The following PKNOX2 variants were observed in gnomAD, a reference collection of about 807,000 sequenced individuals.
PKNOX2 encodes the protein PBX/knotted 1 homeobox 2, also known as homeobox protein PKNOX2.
PKNOX2 carries 14 observed loss-of-function variants against 53.1 expected under a neutral mutation model. That is an observed-to-expected ratio of 0.26 (90% CI 0.17 to 0.41). The LOEUF is 0.41. Ranked by LOEUF, PKNOX2 falls within the 10% of genes least tolerant of loss-of-function variation. The pLI, the probability that PKNOX2 is intolerant of heterozygous loss-of-function variation, is 1.00. For synonymous variants in PKNOX2, 257 were observed against 242.8 expected, an observed-to-expected ratio of 1.06 and a Z score of -0.54; for missense variants, 496 against 602.8, an observed-to-expected ratio of 0.82 and a Z score of 1.85.
intron 2 of PKNOX2, among the ~76,000 whole-genome samples, chr11:125,301,371 G>C (rs11220014): frequency 0.23 from 34,758 of 151,576 alleles, 4,488 homozygotes; most frequent in East Asian, 0.39. Flanking sequence ...AGACTCTTGG[G>C]TAGAGACAGG....
At chr11:125,209,446 T>TG (rs1193688657) in intron 1 of PKNOX2, among the ~76,000 whole-genome samples, 1 of 151,784 alleles carries the variant, frequency 6.6e-6, no homozygotes, top group Non-Finnish European at 1.5e-5. Flanking sequence ...CACTATGGGA[T>TG]GGAGGGTCAG....
intron 10 of PKNOX2, among the ~76,000 whole-genome samples, chr11:125,421,863 C>T (rs907677851): frequency 6.6e-6 from 1 of 152,230 alleles, no homozygotes; most frequent in African/African-American, 2.4e-5. Context: ...CCGCTGTCTG[C>T]ACACTTACAC....
At chr11:125,252,416 G>T (rs1312533225) in intron 2 of PKNOX2, among the ~76,000 whole-genome samples, 2 of 152,196 alleles carry the variant, frequency 1.3e-5, no homozygotes, top group East Asian at 3.8e-4. Context: ...ATGTGGAATA[G>T]ATTGGAGGAA....
At chr11:125,178,630 GAAA>G (rs1565462394) in intron 1 of PKNOX2, among the ~76,000 whole-genome samples, 21 of 88,316 alleles carry the variant, frequency 2.4e-4, no homozygotes, top group African/African-American at 1.2e-3. Context: ...AAGAAAGAAA[GAAA>G]GAAAGAAAGA....
chr11:125,351,317 T>C lies in PKNOX2; in HGVS notation c.12T>C (p.His4=), dbSNP rs1265414865. 1.9e-6 allele frequency: 3 copies of C among 1,602,518 alleles called. No individual in the cohort carries two copies. The highest frequency in any genetic ancestry group is 1.7e-5 in the Admixed American group (1 of 59,584). ...TGTGAATCAATCCCATGATGCAACA[T>C]GCCTCCCCAGCCCCCGCTCTGACGA... MMQ[H]ASPAPALTMM... Residue 4 remains histidine, a synonymous_variant, in exon 4 of 13, where the codon CAT becomes CAC. Coordinates refer to ENST00000298282, the MANE Select transcript of PKNOX2 (RefSeq NM_001382323.2).
At chr11:125,250,060 T>C (rs1251287990) in intron 2 of PKNOX2, among the ~76,000 whole-genome samples, 1 of 114,206 alleles carries the variant, frequency 8.8e-6, no homozygotes, top group Non-Finnish European at 1.7e-5. Flanking sequence ...AGCAAAACTC[T>C]GTCTCAAAAA....
intron 2 of PKNOX2, among the ~76,000 whole-genome samples, chr11:125,323,215 T>C (rs1949628865): frequency 6.6e-6 from 1 of 152,104 alleles, no homozygotes; most frequent in African/African-American, 2.4e-5. Flanking sequence ...GGGCTCTGCT[T>C]TGAGCCCAGG....
intron 2 of PKNOX2, among the ~76,000 whole-genome samples, chr11:125,307,509 G>T (rs535204020): frequency 1.3e-5 from 2 of 152,258 alleles, no homozygotes; most frequent in African/African-American, 4.8e-5. Flanking sequence ...AGTGAGCCGA[G>T]ATTGCACCAT....
rs180914166 is a variant in PKNOX2 at position 125,266,016 on chromosome 11, A to G, written c.-130+30901A>G. Among the ~76,000 whole-genome samples the G allele has an allele frequency of 5.3e-5, 8 of 152,272 alleles. No individual in the cohort carries two copies. In the East Asian group the frequency reaches 1.5e-3, roughly 29 times the overall value. ...GGAGGAAACCTGGGCCCCCAGCTCCATAACTGGCCAGGTCTCTGCCCCGAG... is the reference window on the plus strand; with the variant it reads ...GGAGGAAACCTGGGCCCCCAGCTCCGTAACTGGCCAGGTCTCTGCCCCGAG... On this transcript the variant is annotated intron_variant, in intron 2 of 12. Coordinates refer to ENST00000298282, the MANE Select transcript of PKNOX2 (RefSeq NM_001382323.2).
chr11:125,385,852 C>G lies in PKNOX2; in HGVS notation c.399+130C>G, dbSNP rs113727937. 8 of 1,076,038 alleles carry G rather than the reference C, an allele frequency of 7.4e-6. No homozygotes were observed. The African/African-American group carries it at 1.2e-4, about 15-fold the overall frequency. The allele number at this position is 1,076,038 out of a possible 1,614,324, so 66.7% of individuals were successfully genotyped here. ...TTGAGTGCCCACCATGAGTCATGCACTAGATGCACCAGTCTTGCAGCCAAC... is the reference window on the plus strand; with the variant it reads ...TTGAGTGCCCACCATGAGTCATGCAGTAGATGCACCAGTCTTGCAGCCAAC... On this transcript the variant is annotated intron_variant, in intron 6 of 12. Coordinates refer to ENST00000298282, the MANE Select transcript of PKNOX2 (RefSeq NM_001382323.2).
chr11:125,383,787 G>C (rs1953416522), intron 5 of PKNOX2, among the ~76,000 whole-genome samples: 1 of 152,138 alleles, frequency 6.6e-6, no homozygotes, highest in Non-Finnish European at 1.5e-5. Flanking sequence ...GCCATATGGG[G>C]CAGTGGAGAT....
chr11:125,348,723 T>C (rs1591537332), intron 3 of PKNOX2, among the ~76,000 whole-genome samples: 1 of 152,178 alleles, frequency 6.6e-6, no homozygotes, highest in Non-Finnish European at 1.5e-5. Context: ...CACTGGACAG[T>C]GAACAAAAGA....
rs1253669072 is a variant in PKNOX2, at chr11:125,178,557, GGAAGGAAC to G, written c.-201+13789_-201+13796del. Among the ~76,000 whole-genome samples the G allele has an allele frequency of 3.7e-4, 41 of 111,454 alleles. 3 individuals carry two copies. The East Asian group carries it at 7.0e-3, about 19-fold the overall frequency. 73.1% of individuals were successfully genotyped at this position (111,454 alleles called of 152,430 possible). A position where few individuals can be genotyped will look rare whatever the true frequency, so the allele number is the denominator to read the frequency against. ...AAGAAAGGGAGAGAGAGAGAAGGAA[GGAAGGAAC>G]GAAGGAAGGAAGGAAGGAAGGAAGG... On this transcript the variant is annotated intron_variant, in intron 1 of 12. Coordinates refer to ENST00000298282, the MANE Select transcript of PKNOX2 (RefSeq NM_001382323.2).
At chr11:125,256,589 C>T (rs886338770) in intron 2 of PKNOX2, among the ~76,000 whole-genome samples, 9 of 152,212 alleles carry the variant, frequency 5.9e-5, no homozygotes, top group Non-Finnish European at 1.0e-4. Context: ...CAGGTACACA[C>T]TTATCTCTGG....
At position 125,422,391 on chromosome 11, in the gene PKNOX2, G is replaced by A. The variant is rs1425018506; in HGVS notation, c.937-6621G>A. Among the ~76,000 whole-genome samples, 1 of 152,180 alleles carries A rather than the reference G, an allele frequency of 6.6e-6. No individual in the cohort carries two copies. Among genetic ancestry groups the A allele is most frequent in the Non-Finnish European group, 1.5e-5 (1 of 68,012 alleles). ...AATCTTAGACCTCAGACTCCTGCCT[G>A]TGGGGTGAGAGTGTTTTCTCCACCC... On this transcript the variant is annotated intron_variant, in intron 10 of 12. Transcript: ENST00000298282. This position sits in a 1 kb window ranked among gnomAD's most constrained non-coding sequence, Gnocchi z 4.1.
rs116384901 is a variant in PKNOX2, at chr11:125,285,725, T to C, written c.-129-46094T>C. The stretch of plus-strand genomic sequence containing the variant: ...CTGATTGTTAAATTTTCAGAAATTT[T>C]GCAAGCCAATGGTTAAACACAGCCA... On this transcript the variant is annotated intron_variant, in intron 2 of 12. Coordinates refer to ENST00000298282, the MANE Select transcript of PKNOX2 (RefSeq NM_001382323.2). 6.9e-3 allele frequency among the ~76,000 whole-genome samples: 1,044 copies of C among 152,324 alleles called. 8 individuals carry two copies. Among genetic ancestry groups the C allele is most frequent in the African/African-American group, 0.024 (1,000 of 41,568 alleles).
chr11:125,301,954 G>T (rs985487531), intron 2 of PKNOX2, among the ~76,000 whole-genome samples: 2 of 152,236 alleles, frequency 1.3e-5, no homozygotes, highest in African/African-American at 4.8e-5. Context: ...TTCGGGGCAT[G>T]GTCCCTCTGG....
At chr11:125,401,712 G>C (rs1241151187) in intron 7 of PKNOX2, among the ~76,000 whole-genome samples, 1 of 152,186 alleles carries the variant, frequency 6.6e-6, no homozygotes, top group African/African-American at 2.4e-5. Flanking sequence ...GCAGGAGGCA[G>C]GTCTTGGGTT....
intron 2 of PKNOX2, among the ~76,000 whole-genome samples, chr11:125,259,958 C>A (rs1944714625): frequency 6.6e-6 from 1 of 151,812 alleles, no homozygotes; most frequent in African/African-American, 2.4e-5. Flanking sequence ...CTCATTGTAC[C>A]CTCCAGCTCC....
Sources: gnomAD v4.1 joint callset for allele counts (sites outside exome capture counted in the v4.1 genomes callset) on GRCh38, gnomAD v4.1.1 for gene constraint, Gnocchi (gnomAD v3.1) non-coding constraint, MANE v1.5 for transcripts, NCBI Gene and HGNC (gene_info 2026-07-23, HGNC 2026-07-21) for gene names.